The following XKR6 variants were observed in gnomAD, a reference collection of about 807,000 sequenced individuals.
XKR6 encodes XK related 6.
Under a neutral mutation model 56.7 loss-of-function variants are expected in XKR6, and 22 were observed. The observed-to-expected ratio is 0.39, with a 90% CI of 0.28 to 0.55. The LOEUF (loss-of-function observed/expected upper bound fraction) is 0.55, where lower values mean the gene tolerates loss of function less well. XKR6 is among the 20% of genes least tolerant of loss of function. The pLI, the probability that XKR6 is intolerant of heterozygous loss-of-function variation, is 0.66. For synonymous variants in XKR6, 524 were observed against 387.8 expected, an observed-to-expected ratio of 1.35 and a Z score of -4.13; for missense variants, 852 against 889.0, an observed-to-expected ratio of 0.96 and a Z score of 0.53.
intron 2 of XKR6, among the ~76,000 whole-genome samples, chr8:10,914,951 T>G (rs972757462): frequency 6.6e-6 from 1 of 152,222 alleles, no homozygotes; most frequent in African/African-American, 2.4e-5. Flanking sequence ...TCCAGGTGTC[T>G]GTCAGCCTGG....
At chr8:10,964,939 C>T (rs1190596126) in intron 1 of XKR6, among the ~76,000 whole-genome samples, 1 of 152,234 alleles carries the variant, frequency 6.6e-6, no homozygotes, top group Non-Finnish European at 1.5e-5. Context: ...ACCCAGAATC[C>T]ACATCCCCGT....
At chr8:11,132,614 G>C (rs984599470) in intron 1 of XKR6, among the ~76,000 whole-genome samples, 1 of 151,866 alleles carries the variant, frequency 6.6e-6, no homozygotes, top group Non-Finnish European at 1.5e-5. Context: ...CACCCACCTC[G>C]ATCTCCCAAA....
chr8:11,085,515 T>A (rs1035552421), intron 1 of XKR6, among the ~76,000 whole-genome samples: 1 of 152,088 alleles, frequency 6.6e-6, no homozygotes, highest in Admixed American at 6.5e-5. Context: ...TGGGCTGCAT[T>A]AATCCTCATA....
intron 1 of XKR6, among the ~76,000 whole-genome samples, chr8:11,190,161 A>G (rs1803482147): frequency 6.7e-6 from 1 of 150,304 alleles, no homozygotes. Context: ...GTCCCAAAAA[A>G]AAAGAAAGAA....
chr8:10,927,516 C>T (rs59927118), intron 1 of XKR6, among the ~76,000 whole-genome samples: 35,251 of 151,984 alleles, frequency 0.23, 4,597 homozygotes, highest in African/African-American at 0.3. Context: ...GCTGGAGGAA[C>T]GGTTATATGG....
chr8:11,130,612 GTT>G, intron 1 of XKR6, among the ~76,000 whole-genome samples: 1 of 143,386 alleles, frequency 7.0e-6, no homozygotes, highest in Admixed American at 7.0e-5. Flanking sequence ...TCCCTCGCCG[GTT>G]TTTTTTTTTT....
At chr8:11,091,413 G>T (rs758114802) in intron 1 of XKR6, among the ~76,000 whole-genome samples, 73 of 143,254 alleles carry the variant, frequency 5.1e-4, no homozygotes, top group Non-Finnish European at 6.1e-4. Flanking sequence ...CTCCAGTCTG[G>T]GCAACAGAAT....
intron 1 of XKR6, among the ~76,000 whole-genome samples, chr8:10,982,928 T>G (rs1797767726): frequency 6.6e-6 from 1 of 152,198 alleles, no homozygotes; most frequent in Admixed American, 6.5e-5. Context: ...TTTCCGCTCC[T>G]TCCTAGCTAT....
intron 1 of XKR6, among the ~76,000 whole-genome samples, chr8:11,192,063 G>A (rs552689880): frequency 6.6e-5 from 10 of 152,146 alleles, no homozygotes; most frequent in Middle Eastern, 6.8e-3. Context: ...AGCGACTCAC[G>A]CCTATAATCC....
At chr8:11,017,151 A>G (rs1798643923) in intron 1 of XKR6, among the ~76,000 whole-genome samples, 1 of 152,250 alleles carries the variant, frequency 6.6e-6, no homozygotes, top group Non-Finnish European at 1.5e-5. Flanking sequence ...TGATAGATAC[A>G]TATAGATGAC....
chr8:11,045,207 T>G (rs2129157555), intron 1 of XKR6, among the ~76,000 whole-genome samples: 1 of 146,008 alleles, frequency 6.8e-6, no homozygotes, highest in African/African-American at 2.5e-5. Flanking sequence ...TGCCTCAGCC[T>G]CCTGAGTAGC....
At position 11,192,260 on chromosome 8, in the gene XKR6, G is replaced by A. The variant is rs188151822; in HGVS notation, c.764+8316C>T. Among the ~76,000 whole-genome samples, 375 of 152,156 alleles carry A rather than the reference G, an allele frequency of 2.5e-3. 6 individuals carry two copies. The highest frequency in any genetic ancestry group is 0.018 in the East Asian group (93 of 5,118). On this transcript the variant is annotated intron_variant, in intron 1 of 2. Transcript: ENST00000416569. ...TGCAACCTCCGCCTCCCGGGTTCAAGCGATTCTGCTGCCTCAGCCTCCTGA... is the reference window on the plus strand; with the variant it reads ...TGCAACCTCCGCCTCCCGGGTTCAAACGATTCTGCTGCCTCAGCCTCCTGA...
chr8:10,953,941 T>C (rs1358828828), intron 1 of XKR6, among the ~76,000 whole-genome samples: 1 of 152,246 alleles, frequency 6.6e-6, no homozygotes, highest in African/African-American at 2.4e-5. Context: ...GGCTGGCTTC[T>C]TTCACTTAGC....
Position 11,039,467 on chromosome 8 carries a change from G to A in XKR6, c.765-114637C>T, listed in dbSNP as rs971351640. 5.9e-5 allele frequency among the ~76,000 whole-genome samples: 9 copies of A among 152,350 alleles called. No homozygotes were observed. The East Asian group carries it at 9.6e-4, about 16-fold the overall frequency. Reference sequence around the variant, plus strand: ...ACGCTGTGTGTGCAAGATGAGGGACGCGCACTGCCCATGAGTAACTTCTGT... The same window carrying A: ...ACGCTGTGTGTGCAAGATGAGGGACACGCACTGCCCATGAGTAACTTCTGT... On this transcript the variant is annotated intron_variant, in intron 1 of 2. Transcript: ENST00000416569.
At chr8:11,101,819 G>C (rs932642937) in intron 1 of XKR6, among the ~76,000 whole-genome samples, 1 of 152,076 alleles carries the variant, frequency 6.6e-6, no homozygotes, top group African/African-American at 2.4e-5. Context: ...TCGGCCTGGA[G>C]TGTCCTCCTA....
intron 1 of XKR6, among the ~76,000 whole-genome samples, chr8:11,189,002 C>T (rs768365143): frequency 6.6e-6 from 1 of 152,038 alleles, no homozygotes; most frequent in Non-Finnish European, 1.5e-5. Flanking sequence ...CATCCAACTC[C>T]CCCTCATCCC....
intron 1 of XKR6, among the ~76,000 whole-genome samples, chr8:11,036,983 C>T (rs979782276): frequency 2.6e-5 from 4 of 152,200 alleles, no homozygotes; most frequent in Non-Finnish European, 5.9e-5. Flanking sequence ...CCCCCTAGAT[C>T]GGGTATGAAA....
chr8:10,924,847 G>A lies in XKR6; in HGVS notation c.765-17C>T, dbSNP rs2129117258. ...CGGATATACCTGCCCAGAGAGATGG[G>A]GAGAACACAGAGAGCATGGGTGGGT... On this transcript the variant is annotated splice_polypyrimidine_tract_variant and intron_variant, in intron 1 of 2. Coordinates refer to ENST00000416569, the MANE Select transcript of XKR6 (RefSeq NM_173683.4). 1.2e-6 allele frequency: 2 copies of A among 1,606,782 alleles called. No homozygotes were observed. Among genetic ancestry groups the A allele is most frequent in the Non-Finnish European group, 1.7e-6 (2 of 1,175,536 alleles).
At chr8:11,035,278 G>T (rs368666689) in intron 1 of XKR6, 5 of 534,656 alleles carry the variant, frequency 9.4e-6, no homozygotes, top group African/African-American at 3.8e-5. Context: ...CGGGATCACC[G>T]CCAGCATCAG....
Sources: allele counts gnomAD v4.1 joint callset (sites outside exome capture counted in the v4.1 genomes callset), GRCh38; gene constraint gnomAD v4.1.1; transcripts MANE v1.5; gene names NCBI Gene and HGNC (gene_info 2026-07-23, HGNC 2026-07-21).